LARP1B: variants seen among roughly 807,000 people sequenced by gnomAD.
The protein encoded by LARP1B is la-related protein 1B.
LARP1B carries 76 observed loss-of-function variants against 114.2 expected under a neutral mutation model. The observed-to-expected ratio is 0.67, with a 90% confidence interval of 0.55 to 0.81. The LOEUF (loss-of-function observed/expected upper bound fraction) is 0.81, where lower values mean the gene tolerates loss of function less well. Ranked by LOEUF, LARP1B falls within the 30% of genes least tolerant of loss-of-function variation. The pLI is 0.00. For missense variants in LARP1B, 1,014 were observed against 1,075.8 expected, an observed-to-expected ratio of 0.94 and a Z score of 0.80; for synonymous variants, 345 against 348.0, an observed-to-expected ratio of 0.99 and a Z score of 0.10.
chr4:128,085,405 G>T (rs1773057565), intron 5 of LARP1B, among the ~76,000 whole-genome samples: 1 of 115,184 alleles, frequency 8.7e-6, no homozygotes, highest in Non-Finnish European at 1.6e-5. Context: ...TCATTCTGTT[G>T]CCCAGGCTGG....
At chr4:128,128,966 C>T (rs552869808) in intron 11 of LARP1B, among the ~76,000 whole-genome samples, 47 of 151,948 alleles carry the variant, frequency 3.1e-4, no homozygotes, top group African/African-American at 1.1e-3. Context: ...AGATCGAGAC[C>T]ACCCTGGCTA....
intron 5 of LARP1B, among the ~76,000 whole-genome samples, chr4:128,084,083 CG>C (rs1445681491): frequency 6.6e-6 from 1 of 151,848 alleles, no homozygotes; most frequent in Non-Finnish European, 1.5e-5. Context: ...CGGGAAGAGG[CG>C]CTCCTCACTT....
chr4:128,199,388 C>G (rs762481497), intron 15 of LARP1B, 51 bp from the exon 16 acceptor site: 2 of 1,416,296 alleles, frequency 1.4e-6, no homozygotes, highest in Non-Finnish European at 1.9e-6. Context: ...GGTTCATATA[C>G]TTGGTTCTTG....
chr4:128,178,657 C>G lies in LARP1B; in HGVS notation c.1896+15C>G. 1 of 1,575,416 alleles carries G rather than the reference C, an allele frequency of 6.3e-7. No homozygotes were observed. Among genetic ancestry groups the G allele is most frequent in the South Asian group, 1.1e-5 (1 of 89,910 alleles). ...TTGATGTAAAGGTATACAAAACAAC[C>G]AGGAATATAAGGCTTGCATTTTGTA... On this transcript the variant is annotated intron_variant, in intron 14 of 19. Transcript: ENST00000326639.
At chr4:128,082,072 T>C (rs1313432744) in intron 4 of LARP1B, 93 bp from the exon 5 acceptor site, 14 of 1,131,664 alleles carry the variant, frequency 1.2e-5, no homozygotes, top group Non-Finnish European at 1.8e-5. Flanking sequence ...ATTAAGTGTT[T>C]CACTTATTTG....
chr4:128,178,347 T>C (rs1747138720), intron 13 of LARP1B, 84 bp from the exon 14 acceptor site: 1 of 956,492 alleles, frequency 1.0e-6, no homozygotes, highest in African/African-American at 1.7e-5. Flanking sequence ...CCTTTGAGCT[T>C]AGAGAATTAC....
chr4:128,156,192 C>T (rs1735550016), intron 11 of LARP1B: 4 of 1,607,698 alleles, frequency 2.5e-6, no homozygotes, highest in Admixed American at 1.7e-5. Context: ...CTCCAACCCT[C>T]CTCGCTTTGT....
At chr4:128,076,046 G>T (rs1427596238) in intron 3 of LARP1B, among the ~76,000 whole-genome samples, 6 of 150,912 alleles carry the variant, frequency 4.0e-5, no homozygotes, top group Non-Finnish European at 5.9e-5. Flanking sequence ...CAGAGTCTTG[G>T]TCTGTCGCCC....
rs767143061 is a variant in LARP1B at position 128,102,187 on chromosome 4, A to G, written c.813+3857A>G. On this transcript the variant is annotated intron_variant, in intron 8 of 19. Coordinates refer to ENST00000326639, the MANE Select transcript of LARP1B (RefSeq NM_018078.4). ...TTATGCACCTACCATTTGTAATAGT[A>G]GGAAAGGTGTTCTTTTTCTGTTGAG... is the stretch of plus-strand genomic sequence containing the variant. Among the ~76,000 whole-genome samples the G allele has an allele frequency of 4.6e-5, 7 of 152,230 alleles. No homozygotes were observed. The South Asian group carries it at 1.0e-3, about 23-fold the overall frequency.
chr4:128,207,268 G>T lies in LARP1B; in HGVS notation c.2432G>T (p.Gly811Val). 6.9e-7 allele frequency: 1 copy of T among 1,458,584 alleles called. No individual in the cohort carries two copies. Among genetic ancestry groups the T allele is most frequent in the East Asian group, 2.4e-5 (1 of 41,252 alleles). 90.4% of individuals were successfully genotyped at this position (1,458,584 alleles called of 1,614,324 possible). A position where few individuals can be genotyped will look rare whatever the true frequency, so the allele number is the denominator to read the frequency against. Residue 811 changes from glycine (G) to valine (V), a missense_variant, in exon 19 of 20, where the codon GGA (glycine) becomes GTA (valine). Coordinates refer to ENST00000326639, the MANE Select transcript of LARP1B (RefSeq NM_018078.4). ...KKDYESGQLY[G>V]LEKFWAYLKY... ...TCTTTGTTATTAGGTCAGCTGTATG[G>T]ACTAGAAAAGTTTTGGGCTTATTTG...
At chr4:128,073,447 A>T (rs1232291886) in intron 1 of LARP1B, among the ~76,000 whole-genome samples, 1 of 137,380 alleles carries the variant, frequency 7.3e-6, no homozygotes, top group Non-Finnish European at 1.6e-5. Context: ...AAAAAAAAAA[A>T]GAAAGAAAGA....
downstream of LARP1B, among the ~76,000 whole-genome samples, chr4:128,212,901 T>G (rs528629681): frequency 6.9e-6 from 1 of 145,776 alleles, no homozygotes; most frequent in East Asian, 2.0e-4. Context: ...AAAAATCATT[T>G]AAATCTCTCT....
chr4:128,162,390 C>T, intron 12 of LARP1B, 73 bp downstream of exon 12: 1 of 1,303,982 alleles, frequency 7.7e-7, no homozygotes, highest in South Asian at 1.7e-5. Context: ...AAAAATTGCT[C>T]CTTTTTTTTC....
chr4:128,083,776 CGGGGCGGCTGGCCGGGCGGGGGGCT>C (rs1771922666), intron 5 of LARP1B, among the ~76,000 whole-genome samples: 1 of 147,168 alleles, frequency 6.8e-6, no homozygotes. Flanking sequence ...ACCTCCTGGA[CGGGGCGGCTGGCCGGGCGGGGGGCT>C]GACCCCCCCA....
intron 11 of LARP1B, among the ~76,000 whole-genome samples, chr4:128,146,669 G>T (rs550738884): frequency 9.9e-5 from 15 of 152,274 alleles, no homozygotes; most frequent in African/African-American, 3.6e-4. Flanking sequence ...GGCAAAAAGG[G>T]ACTTCCAGGA....
At chr4:128,068,801 G>A (rs1474866245) in intron 1 of LARP1B, among the ~76,000 whole-genome samples, 1 of 151,808 alleles carries the variant, frequency 6.6e-6, no homozygotes, top group Non-Finnish European at 1.5e-5. Context: ...CCCCTAACAA[G>A]ATAAAGCAAA....
chr4:128,086,209 A>G (rs549221504), intron 5 of LARP1B, among the ~76,000 whole-genome samples: 39 of 151,746 alleles, frequency 2.6e-4, no homozygotes, highest in African/African-American at 8.7e-4. Context: ...GTTTCACCAC[A>G]TTAGCCAGGA....
chr4:128,132,444 C>T (rs768590583), intron 11 of LARP1B, among the ~76,000 whole-genome samples: 39 of 152,048 alleles, frequency 2.6e-4, no homozygotes, highest in African/African-American at 9.2e-4. Context: ...CGGAATTTCA[C>T]CATGTTGGCC....
intron 1 of LARP1B, chr4:128,069,649 G>A (rs1764427158): frequency 1.7e-6 from 1 of 581,216 alleles, no homozygotes; most frequent in Non-Finnish European, 3.1e-6. Context: ...GACAGAAGGG[G>A]CACGGATTCT....
Sources: allele counts gnomAD v4.1 joint callset (sites outside exome capture counted in the v4.1 genomes callset), GRCh38; gene constraint gnomAD v4.1.1; transcripts MANE v1.5; gene names NCBI Gene and HGNC (gene_info 2026-07-23, HGNC 2026-07-21).